NLRP1: variants seen among roughly 807,000 people sequenced by gnomAD.
NLRP1 encodes NLR family pyrin domain containing 1.
NLRP1 carries 94 observed loss-of-function variants against 136.7 expected under a neutral mutation model. The observed-to-expected ratio is 0.69, with a 90% CI of 0.58 to 0.82. NLRP1 has a LOEUF of 0.82. Ranked by LOEUF, NLRP1 falls within the 40% of genes least tolerant of loss-of-function variation. The pLI, the probability that NLRP1 is intolerant of heterozygous loss-of-function variation, is 0.00. For missense variants in NLRP1, 1,575 were observed against 1,802.7 expected, an observed-to-expected ratio of 0.87 and a Z score of 2.29; for synonymous variants, 690 against 725.1, an observed-to-expected ratio of 0.95 and a Z score of 0.78.
intron 3 of NLRP1, among the ~76,000 whole-genome samples, chr17:5,560,644 C>A (rs1914631079): frequency 1.3e-5 from 2 of 152,168 alleles, no homozygotes; most frequent in African/African-American, 4.8e-5. Flanking sequence ...AGGTGGGGTC[C>A]CTTGCCCCCA....
intron 5 of NLRP1, among the ~76,000 whole-genome samples, chr17:5,542,462 C>G (rs1250872266): frequency 1.4e-4 from 22 of 152,080 alleles, no homozygotes; most frequent in Admixed American, 1.4e-3. Flanking sequence ...GAACAATCTT[C>G]TGGTGCTGAC....
chr17:5,551,150 A>C (rs775731177), intron 5 of NLRP1, among the ~76,000 whole-genome samples: 15 of 152,172 alleles, frequency 9.9e-5, no homozygotes, highest in Non-Finnish European at 1.5e-4. Flanking sequence ...AGTATATAGA[A>C]TAGTTTCACT....
At chr17:5,553,807 T>C (rs1913684831) in intron 4 of NLRP1, among the ~76,000 whole-genome samples, 1 of 151,898 alleles carries the variant, frequency 6.6e-6, no homozygotes, top group African/African-American at 2.4e-5. Flanking sequence ...TGTGTGTCTG[T>C]TTCTGCCTCA....
intron 3 of NLRP1, among the ~76,000 whole-genome samples, chr17:5,562,904 C>CT (rs1914921721): frequency 6.6e-6 from 1 of 152,162 alleles, no homozygotes; most frequent in African/African-American, 2.4e-5. Context: ...CTTGGCCCCT[C>CT]TAATGCAGCA....
Position 5,577,792 on chromosome 17 carries a change from G to A in NLRP1, c.652+4067C>T, listed in dbSNP as rs111260704. On this transcript the variant is annotated intron_variant, in intron 3 of 16. Transcript: ENST00000572272. ...TTCATATGGAACCAAAAAAGAGCCCGCACTGCCAAGACAATCCTAAGCCAA... is the reference window on the plus strand; with the variant it reads ...TTCATATGGAACCAAAAAAGAGCCCACACTGCCAAGACAATCCTAAGCCAA... Among the ~76,000 whole-genome samples, 142 of 152,274 alleles carry A rather than the reference G, an allele frequency of 9.3e-4. 2 individuals are homozygous for A. Among genetic ancestry groups the A allele is most frequent in the African/African-American group, 3.0e-3 (126 of 41,542 alleles).
chr17:5,527,006 T>G (rs1909637907), intron 12 of NLRP1, among the ~76,000 whole-genome samples: 2 of 152,208 alleles, frequency 1.3e-5, no homozygotes, highest in South Asian at 2.1e-4. Flanking sequence ...GGTCATCGTT[T>G]CCAGGGCAAT....
intron 3 of NLRP1, among the ~76,000 whole-genome samples, chr17:5,573,027 C>T (rs1402483760): frequency 6.6e-6 from 1 of 152,190 alleles, no homozygotes; most frequent in African/African-American, 2.4e-5. Flanking sequence ...GGCATTGCCT[C>T]ACCTGGGAAG....
At chr17:5,539,383 C>T (rs1194400464) in intron 7 of NLRP1, 32 bp downstream of exon 7, 4 of 1,582,390 alleles carry the variant, frequency 2.5e-6, no homozygotes, top group Non-Finnish European at 2.6e-6. Flanking sequence ...AACCCTCTTC[C>T]CTCTGCCCAG....
intron 8 of NLRP1, among the ~76,000 whole-genome samples, chr17:5,536,626 C>G (rs889841348): frequency 1.3e-5 from 2 of 151,880 alleles, no homozygotes; most frequent in African/African-American, 4.8e-5. Flanking sequence ...AATTTTTTAG[C>G]CCACTTACTT....
intron 12 of NLRP1, among the ~76,000 whole-genome samples, chr17:5,524,850 C>A (rs1371062097): frequency 5.9e-5 from 9 of 152,184 alleles, no homozygotes; most frequent in Admixed American, 3.9e-4. Context: ...GCTAGGGTGA[C>A]CAACTGTCCA....
intron 3 of NLRP1, among the ~76,000 whole-genome samples, chr17:5,576,786 A>C (rs1398838843): frequency 6.6e-6 from 1 of 152,202 alleles, no homozygotes; most frequent in African/African-American, 2.4e-5. Flanking sequence ...CTGATACCAA[A>C]GCCTGGCAGA....
intron 15 of NLRP1, among the ~76,000 whole-genome samples, chr17:5,516,537 G>C (rs1277648297): frequency 6.6e-6 from 1 of 152,222 alleles, no homozygotes. Flanking sequence ...AAGAGGCAGA[G>C]ATTGGCTTAA....
intron 3 of NLRP1, 134 bp downstream of exon 3, chr17:5,581,725 G>A (rs1004481200): frequency 3.8e-6 from 3 of 799,766 alleles, no homozygotes; most frequent in Admixed American, 3.5e-5. Flanking sequence ...CCAAGGGTGG[G>A]ATTTCCTGAG....
intron 3 of NLRP1, among the ~76,000 whole-genome samples, chr17:5,576,757 T>C (rs1215913549): frequency 6.6e-6 from 1 of 152,204 alleles, no homozygotes; most frequent in Non-Finnish European, 1.5e-5. Context: ...CTAACTCATT[T>C]TACGAGGCAA....
At chr17:5,509,108 C>T (rs1907497192) in intron 15 of NLRP1, among the ~76,000 whole-genome samples, 1 of 152,224 alleles carries the variant, frequency 6.6e-6, no homozygotes, top group Admixed American at 6.5e-5. Flanking sequence ...ACCAAGAACA[C>T]AGCAGGACTC....
exon 16 of NLRP1, chr17:5,501,812 C>T: frequency 6.2e-7 from 1 of 1,613,522 alleles, no homozygotes; most frequent in Non-Finnish European, 8.5e-7. Flanking sequence ...GGCTGCTGGG[C>T]ACTAGTATCT....
chr17:5,537,013 C>T lies in NLRP1; in HGVS notation c.2871-73G>A, dbSNP rs1372489295. On this transcript the variant is annotated intron_variant, in intron 7 of 16. Coordinates refer to ENST00000572272, the MANE Select transcript of NLRP1 (RefSeq NM_033004.4). This position sits in a 1 kb window ranked among gnomAD's most constrained non-coding sequence, Gnocchi z 4.5. ...CCCCAGGTCCCCAGGGCCCAGAATC[C>T]TGGGACCTGTCACCTTCTGAGGCAG... 1.0e-5 allele frequency: 11 copies of T among 1,080,940 alleles called. No homozygotes were observed. The highest frequency in any genetic ancestry group is 7.1e-6 in the Non-Finnish European group (5 of 700,642). The allele number at this position is 1,080,940 out of a possible 1,614,324, so 67.0% of individuals were successfully genotyped here.
At chr17:5,511,340 G>A (rs573379144), downstream of NLRP1, among the ~76,000 whole-genome samples, 15 of 152,110 alleles carry the variant, frequency 9.9e-5, no homozygotes, top group South Asian at 2.9e-3. Context: ...GCTGAGGCAG[G>A]AGAATCGTTT....
rs766957666 is a variant in NLRP1, at chr17:5,539,531, A to C, written c.2754T>G (p.Leu918=). 4 of 1,614,040 alleles carry C rather than the reference A, an allele frequency of 2.5e-6. No individual in the cohort carries two copies. In the South Asian group the frequency reaches 4.4e-5, roughly 18 times the overall value. The part of the protein sequence containing the change: ...SDCCQDLASV[L]SASPSLKELD... ...GCTCCTTCAGGCTGGGGCTGGCACT[A>C]AGCACAGAGGCCAGGTCCTGGCAGC... Residue 918 remains leucine, a synonymous_variant, in exon 7 of 17, where the codon CTT becomes CTG. Transcript: ENST00000572272.
Sources: allele counts gnomAD v4.1 joint callset (sites outside exome capture counted in the v4.1 genomes callset), GRCh38; gene constraint gnomAD v4.1.1; non-coding constraint Gnocchi (gnomAD v3.1); transcripts MANE v1.5; gene names NCBI Gene and HGNC (gene_info 2026-07-23, HGNC 2026-07-21).